EXOC6: variants seen among roughly 807,000 people sequenced by gnomAD.
The protein encoded by EXOC6 is exocyst complex component 6.
EXOC6 carries 60 observed loss-of-function variants against 112.5 expected under a neutral mutation model. The observed-to-expected ratio is 0.53, with a 90% CI of 0.43 to 0.66. EXOC6 has a LOEUF of 0.66. Among genes scored for constraint, EXOC6 ranks in the 30% least tolerant of loss-of-function variants. The pLI is 0.00. For synonymous variants in EXOC6, 295 were observed against 308.0 expected (o/e 0.96, Z 0.44); for missense variants, 855 against 957.1 (o/e 0.89, Z 1.41).
At chr10:92,865,324 A>G (rs1036388050) in intron 1 of EXOC6, among the ~76,000 whole-genome samples, 1 of 152,056 alleles carries the variant, frequency 6.6e-6, no homozygotes, top group African/African-American at 2.4e-5. Context: ...ACTTGAGGCC[A>G]GGAGCTTGAG....
intron 18 of EXOC6, among the ~76,000 whole-genome samples, chr10:92,977,676 G>GACACACACACAC (rs10636165): frequency 6.6e-6 from 1 of 150,606 alleles, no homozygotes; most frequent in South Asian, 2.1e-4. Flanking sequence ...CGTGCTTGCA[G>GACACACACACAC]ACACACACAC....
At chr10:92,955,468 C>T (rs1284199101) in intron 16 of EXOC6, 112 bp from the exon 17 acceptor site, 2 of 843,094 alleles carry the variant, frequency 2.4e-6, no homozygotes, top group Non-Finnish European at 3.8e-6. Flanking sequence ...TATAATGCTG[C>T]AATTATGTAG....
At chr10:92,970,719 A>C (rs72813189) in intron 17 of EXOC6, among the ~76,000 whole-genome samples, 5,154 of 152,268 alleles carry the variant, frequency 0.034, 108 homozygotes, top group Non-Finnish European at 0.05. Context: ...TGAATCACTG[A>C]ATGGGGAGAG....
chr10:92,928,091 A>G (rs1366431413), intron 8 of EXOC6, among the ~76,000 whole-genome samples: 2 of 152,226 alleles, frequency 1.3e-5, no homozygotes. Context: ...ATAAAGCCTA[A>G]GTAATAAGTT....
At chr10:92,890,908 GT>G (rs1849467616) in intron 1 of EXOC6, among the ~76,000 whole-genome samples, 1 of 152,194 alleles carries the variant, frequency 6.6e-6, no homozygotes, top group South Asian at 2.1e-4. Flanking sequence ...TTTGCCTTAG[GT>G]TTTAATGGGA....
intron 20 of EXOC6, among the ~76,000 whole-genome samples, chr10:93,042,769 T>C (rs1845840096): frequency 6.6e-6 from 1 of 152,156 alleles, no homozygotes; most frequent in South Asian, 2.1e-4. Context: ...GTATTAACTC[T>C]GAAGTATTTT....
In EXOC6 at chr10:92,966,737, C is replaced by T. The variant is rs375844250; in HGVS notation, c.1774-7316C>T. On this transcript the variant is annotated intron_variant, in intron 17 of 21. Coordinates refer to ENST00000260762, the MANE Select transcript of EXOC6 (RefSeq NM_019053.6). ...AAGTCTTTGCTATTGTGAATAGTGC[C>T]GCAGTAAACATACGTGTGCATGTGT... 1.4e-3 allele frequency among the ~76,000 whole-genome samples: 203 copies of T among 146,640 alleles called. No homozygotes were observed. The East Asian group carries it at 0.019, about 14-fold the overall frequency.
chr10:92,925,524 G>A (rs140746612), intron 8 of EXOC6, among the ~76,000 whole-genome samples: 1,623 of 152,144 alleles, frequency 0.011, 35 homozygotes, highest in African/African-American at 0.037. Context: ...CGAACTCCTG[G>A]CCTCAAGTGA....
At chr10:92,868,613 A>G (rs1057042568) in intron 1 of EXOC6, among the ~76,000 whole-genome samples, 2 of 152,188 alleles carry the variant, frequency 1.3e-5, no homozygotes, top group African/African-American at 4.8e-5. Flanking sequence ...TTGAGCTATA[A>G]TTATAAATTA....
At chr10:93,019,063 A>G (rs142175939) in intron 20 of EXOC6, among the ~76,000 whole-genome samples, 84 of 152,156 alleles carry the variant, frequency 5.5e-4, no homozygotes, top group Non-Finnish European at 4.6e-4. Context: ...ATAATTTATT[A>G]TTATTTTATT....
chr10:92,849,163 C>G (rs966290383), intron 1 of EXOC6, among the ~76,000 whole-genome samples: 8 of 152,164 alleles, frequency 5.3e-5, no homozygotes, highest in Non-Finnish European at 7.4e-5. Context: ...CGCTTTCCCC[C>G]TACTCCCCCG....
intron 1 of EXOC6, among the ~76,000 whole-genome samples, chr10:92,892,958 A>G (rs759550775): frequency 2.0e-5 from 3 of 152,228 alleles, no homozygotes; most frequent in Non-Finnish European, 4.4e-5. Context: ...GAGTTAATAT[A>G]TAAAGCATTT....
intron 19 of EXOC6, among the ~76,000 whole-genome samples, chr10:93,013,617 AAAAAT>A (rs1844361512): frequency 6.6e-6 from 1 of 151,944 alleles, no homozygotes; most frequent in African/African-American, 2.4e-5. Context: ...CAAAAAAAAT[AAAAAT>A]AAAAATAAAA....
chr10:93,041,709 C>T (rs779799496), intron 20 of EXOC6, among the ~76,000 whole-genome samples: 16 of 151,502 alleles, frequency 1.1e-4, no homozygotes, highest in African/African-American at 2.7e-4. Flanking sequence ...CCACCGTGCC[C>T]GGCATTATTT....
At chr10:92,864,280 A>C (rs1008048646) in intron 1 of EXOC6, among the ~76,000 whole-genome samples, 2 of 152,208 alleles carry the variant, frequency 1.3e-5, no homozygotes, top group Non-Finnish European at 2.9e-5. Context: ...AAATGTTGCT[A>C]AGTTTGTAAC....
At chr10:92,992,446 G>A (rs1462443759) in intron 18 of EXOC6, among the ~76,000 whole-genome samples, 1 of 152,054 alleles carries the variant, frequency 6.6e-6, no homozygotes, top group Non-Finnish European at 1.5e-5. Context: ...TGTTCAGCCA[G>A]AAAATGAATT....
intron 19 of EXOC6, among the ~76,000 whole-genome samples, chr10:93,002,054 CA>C (rs1269250967): frequency 6.6e-6 from 1 of 152,052 alleles, no homozygotes; most frequent in Non-Finnish European, 1.5e-5. Context: ...TTAATAAAGC[CA>C]AAACTGTTAA....
At chr10:92,974,857 T>C (rs1316908283) in intron 18 of EXOC6, among the ~76,000 whole-genome samples, 10 of 152,278 alleles carry the variant, frequency 6.6e-5, no homozygotes, top group Non-Finnish European at 2.9e-5. Context: ...TGGAGTCTGG[T>C]TCACTCAGTG....
intron 2 of EXOC6, 56 bp from the exon 3 acceptor site, chr10:92,894,738 A>T: frequency 7.3e-7 from 1 of 1,366,800 alleles, no homozygotes; most frequent in Non-Finnish European, 1.0e-6. Flanking sequence ...GTGAGCAGTT[A>T]CATCAGGGCA....
Sources: allele counts gnomAD v4.1 joint callset (sites outside exome capture counted in the v4.1 genomes callset), GRCh38; gene constraint gnomAD v4.1.1; transcripts MANE v1.5; gene names NCBI Gene and HGNC (gene_info 2026-07-23, HGNC 2026-07-21).